TMEM74: variants seen among roughly 807,000 people sequenced by gnomAD.
The protein encoded by TMEM74 is transmembrane protein 74.
TMEM74 carries 13 observed loss-of-function variants against 18.1 expected under a neutral mutation model. The observed-to-expected ratio is 0.72, with a 90% CI of 0.47 to 1.14. TMEM74 has a LOEUF of 1.14. TMEM74 is among the 50% of genes most tolerant of loss of function. The probability of loss-of-function intolerance (pLI) is 0.00; values close to 1 mark genes in which losing one functional copy is unlikely to be tolerated. For synonymous variants in TMEM74, 159 were observed against 146.6 expected, an observed-to-expected ratio of 1.08 and a Z score of -0.61; for missense variants, 372 against 375.9, an observed-to-expected ratio of 0.99 and a Z score of 0.09.
At chr8:108,648,799 T>G (rs1468646382) in intron 2 of TMEM74, among the ~76,000 whole-genome samples, 1 of 152,136 alleles carries the variant, frequency 6.6e-6, no homozygotes, top group Admixed American at 6.6e-5. Context: ...ATATCTTAAT[T>G]TTAGTCCAGT....
intron 2 of TMEM74, chr8:108,652,512 G>A (rs1003089094): frequency 2.3e-6 from 1 of 440,736 alleles, no homozygotes; most frequent in Admixed American, 4.0e-5. Context: ...GAGAGACCCT[G>A]ACCACCAGAG....
chr8:108,698,491 AAATGCAATACCACCTGT>A (rs1813303012), intron 1 of TMEM74, among the ~76,000 whole-genome samples: 1 of 152,250 alleles, frequency 6.6e-6, no homozygotes, highest in Non-Finnish European at 1.5e-5. Flanking sequence ...CATGAGGACT[AAATGCAATACCACCTGT>A]GGTATGCTTA....
intron 1 of TMEM74, among the ~76,000 whole-genome samples, chr8:108,665,912 CA>C (rs1812944791): frequency 6.6e-6 from 1 of 152,080 alleles, no homozygotes; most frequent in African/African-American, 2.4e-5. Flanking sequence ...ATATGAAAGA[CA>C]GGGGTAATGC....
At chr8:108,778,514 T>A (rs999840737), downstream of TMEM74, among the ~76,000 whole-genome samples, 1 of 152,154 alleles carries the variant, frequency 6.6e-6, no homozygotes, top group Admixed American at 6.5e-5. Context: ...AAAACAGATA[T>A]CGAAAGAAGT....
chr8:108,682,583 C>T (rs930648447), intron 1 of TMEM74, among the ~76,000 whole-genome samples: 10 of 151,894 alleles, frequency 6.6e-5, no homozygotes. Flanking sequence ...ATAGTAGGCA[C>T]TCAAAAATAT....
At chr8:108,686,482 G>C (rs1586260739) in intron 1 of TMEM74, among the ~76,000 whole-genome samples, 1 of 151,872 alleles carries the variant, frequency 6.6e-6, no homozygotes, top group African/African-American at 2.4e-5. Context: ...GATTACAGGC[G>C]TGACCCACCG....
At chr8:108,711,817 G>T (rs933751783) in intron 1 of TMEM74, among the ~76,000 whole-genome samples, 1 of 152,142 alleles carries the variant, frequency 6.6e-6, no homozygotes, top group Admixed American at 6.6e-5. Context: ...AATGAATAAA[G>T]TTATGAAAGT....
intron 1 of TMEM74, among the ~76,000 whole-genome samples, chr8:108,756,593 AAAGAGAAAGGAAGG>A (rs1813964605): frequency 1.8e-5 from 2 of 108,768 alleles, no homozygotes; most frequent in African/African-American, 8.9e-5. Context: ...AGAAAGAAAG[AAAGAGAAAGGAAGG>A]AAGGAAGGAA....
chr8:108,751,395 C>A (rs945192232), intron 1 of TMEM74, among the ~76,000 whole-genome samples: 20 of 152,100 alleles, frequency 1.3e-4, no homozygotes, highest in Non-Finnish European at 2.9e-4. Context: ...GAACTTGGAT[C>A]AGGAGAAGGA....
chr8:108,635,806 G>C (rs1812601846), intron 2 of TMEM74, among the ~76,000 whole-genome samples: 1 of 151,910 alleles, frequency 6.6e-6, no homozygotes, highest in South Asian at 2.1e-4. Flanking sequence ...ATTGAATGTT[G>C]TCTTGCATTG....
At chr8:108,718,434 A>G (rs1189842959) in intron 1 of TMEM74, among the ~76,000 whole-genome samples, 1 of 152,214 alleles carries the variant, frequency 6.6e-6, no homozygotes, top group Non-Finnish European at 1.5e-5. Context: ...CTACAGTGGT[A>G]CATGAATGAA....
At position 108,781,047 on chromosome 8, in the gene TMEM74, T is replaced by C. The variant is rs1299659959; in HGVS notation, c.*3134A>G. On this transcript the variant is annotated 3_prime_UTR_variant, in exon 2 of 2. Coordinates refer to ENST00000297459, the MANE Select transcript of TMEM74 (RefSeq NM_153015.3). ...CCCAGTAATAAAGGAGAAAGACAGC[T>C]TTCTTTCTGTAACTCACCCCATTGG... Among the ~76,000 whole-genome samples the C allele has an allele frequency of 9.0e-6, 1 of 111,638 alleles. No homozygotes were observed. The highest frequency in any genetic ancestry group is 2.5e-4 in the East Asian group (1 of 3,972). The allele number at this position is 111,638 out of a possible 152,430, so 73.2% of individuals were successfully genotyped here. A position where few individuals can be genotyped will look rare whatever the true frequency, so the allele number is the denominator to read the frequency against.
At chr8:108,756,063 A>T (rs900594458) in intron 1 of TMEM74, among the ~76,000 whole-genome samples, 2 of 152,064 alleles carry the variant, frequency 1.3e-5, no homozygotes, top group East Asian at 3.9e-4. Flanking sequence ...ATAAAGTACA[A>T]CTGAAAATGA....
At chr8:108,662,048 T>C (rs1812905095) in intron 1 of TMEM74, among the ~76,000 whole-genome samples, 1 of 151,982 alleles carries the variant, frequency 6.6e-6, no homozygotes, top group Non-Finnish European at 1.5e-5. Context: ...GGGTGAAAGA[T>C]AGAGATGGAA....
intron 1 of TMEM74, among the ~76,000 whole-genome samples, chr8:108,687,708 C>T (rs1253284996): frequency 1.3e-5 from 2 of 151,976 alleles, no homozygotes; most frequent in East Asian, 1.9e-4. Flanking sequence ...CTAGATCCCT[C>T]GCATGTGCTG....
chr8:108,711,986 T>G (rs1234948148), intron 1 of TMEM74, among the ~76,000 whole-genome samples: 1 of 152,052 alleles, frequency 6.6e-6, no homozygotes, highest in Non-Finnish European at 1.5e-5. Context: ...AGCTTGGTAA[T>G]GTAAGACTCG....
chr8:108,729,214 T>C (rs760865875), intron 1 of TMEM74, among the ~76,000 whole-genome samples: 13 of 152,182 alleles, frequency 8.5e-5, no homozygotes, highest in Non-Finnish European at 1.6e-4. Flanking sequence ...GGTTGTAGGA[T>C]TGAGATTCCT....
intron 2 of TMEM74, among the ~76,000 whole-genome samples, chr8:108,611,443 C>T (rs1267132040): frequency 6.6e-6 from 1 of 152,158 alleles, no homozygotes; most frequent in Non-Finnish European, 1.5e-5. Flanking sequence ...TTATTCATCA[C>T]AAGTAAATTA....
At chr8:108,776,824 A>G (rs1402315357), downstream of TMEM74, among the ~76,000 whole-genome samples, 1 of 152,070 alleles carries the variant, frequency 6.6e-6, no homozygotes, top group Non-Finnish European at 1.5e-5. Context: ...TTAAGAAGGA[A>G]AAGGAGGATG....
Sources: gnomAD v4.1 joint callset for allele counts (sites outside exome capture counted in the v4.1 genomes callset) on GRCh38, gnomAD v4.1.1 for gene constraint, MANE v1.5 for transcripts, NCBI Gene and HGNC (gene_info 2026-07-23, HGNC 2026-07-21) for gene names.